Variants in MFN2 observed in about 807,000 individuals in gnomAD.
The protein encoded by MFN2 is mitofusin-2.
A neutral mutation model predicts 87.5 loss-of-function variants in MFN2; 43 were observed. The observed-to-expected ratio is 0.49, with a 90% CI of 0.38 to 0.63. MFN2 has a LOEUF of 0.63. Ranked by LOEUF, MFN2 falls within the 30% of genes least tolerant of loss-of-function variation. The pLI, the probability that MFN2 is intolerant of heterozygous loss-of-function variation, is 0.00. For missense variants in MFN2, 743 were observed against 972.8 expected, an observed-to-expected ratio of 0.76 and a Z score of 3.14; for synonymous variants, 337 against 359.9, an observed-to-expected ratio of 0.94 and a Z score of 0.72.
intron 2 of MFN2, among the ~76,000 whole-genome samples, chr1:11,987,939 A>G (rs919073958): frequency 6.6e-6 from 1 of 152,210 alleles, no homozygotes; most frequent in Non-Finnish European, 1.5e-5. Flanking sequence ...TAACAGCGAG[A>G]TCTTGTCTCA....
intron 5 of MFN2, among the ~76,000 whole-genome samples, chr1:11,997,066 C>T (rs11805619): frequency 4.7e-4 from 70 of 148,760 alleles, no homozygotes; most frequent in African/African-American, 1.6e-3. Flanking sequence ...AAGAATCAAT[C>T]AGTGCAGAAC....
At chr1:11,992,191 C>T in intron 3 of MFN2, 1 of 277,258 alleles carries the variant, frequency 3.6e-6, no homozygotes, top group Admixed American at 4.8e-5. Flanking sequence ...TACCAGCCGC[C>T]ATTCACAGCA....
At chr1:12,005,643 C>T in intron 14 of MFN2, 68 bp from the exon 15 acceptor site, 2 of 1,503,960 alleles carry the variant, frequency 1.3e-6, no homozygotes, top group Middle Eastern at 1.7e-4. Flanking sequence ...GCCCTGTCTC[C>T]AAGGCTTGGT....
chr1:12,001,029 C>CT (rs906122072), intron 8 of MFN2, among the ~76,000 whole-genome samples: 1 of 151,950 alleles, frequency 6.6e-6, no homozygotes, highest in African/African-American at 2.4e-5. Flanking sequence ...ATTGCCTATT[C>CT]TTTTTTTTCC....
At chr1:11,989,790 T>C (rs905269812) in intron 3 of MFN2, among the ~76,000 whole-genome samples, 37 of 152,126 alleles carry the variant, frequency 2.4e-4, no homozygotes, top group Middle Eastern at 3.2e-3. Flanking sequence ...GCCCTTTCTT[T>C]GATATTTTTA....
intron 8 of MFN2, 135 bp downstream of exon 8, chr1:11,999,230 T>C: frequency 1.3e-6 from 1 of 778,056 alleles, no homozygotes; most frequent in Non-Finnish European, 2.2e-6. Flanking sequence ...CTCCAAATAC[T>C]CTTCTGTGGT....
chr1:11,990,452 G>T (rs965667832), intron 3 of MFN2, among the ~76,000 whole-genome samples: 1 of 152,232 alleles, frequency 6.6e-6, no homozygotes, highest in African/African-American at 2.4e-5. Flanking sequence ...TGGGCATGCA[G>T]AGATGGGGTA....
intron 1 of MFN2, among the ~76,000 whole-genome samples, chr1:11,980,945 C>T (rs1053561121): frequency 2.6e-5 from 4 of 152,196 alleles, no homozygotes; most frequent in Non-Finnish European, 4.4e-5. Flanking sequence ...GTTTCTTATC[C>T]ATTTCTAACG....
chr1:11,984,849 C>T (rs1305271306), intron 2 of MFN2, among the ~76,000 whole-genome samples: 1 of 152,252 alleles, frequency 6.6e-6, no homozygotes, highest in Non-Finnish European at 1.5e-5. Flanking sequence ...CGCCTCTTCC[C>T]CCATACCTCG....
intron 6 of MFN2, among the ~76,000 whole-genome samples, chr1:11,997,919 T>G (rs1471469380): frequency 7.5e-6 from 1 of 132,690 alleles, no homozygotes; most frequent in Non-Finnish European, 1.6e-5. Flanking sequence ...AGTCTTGCTC[T>G]GTCACCCAGG....
chr1:12,009,561 C>T (rs761335785), intron 17 of MFN2, 31 bp from the exon 18 acceptor site: 22 of 1,613,954 alleles, frequency 1.4e-5, no homozygotes, highest in South Asian at 6.6e-5. Flanking sequence ...CTCCACACAC[C>T]CCAACTGGGT....
chr1:11,998,666 C>G (rs1421647016), intron 6 of MFN2, 104 bp from the exon 7 acceptor site: 1 of 1,026,620 alleles, frequency 9.7e-7, no homozygotes, highest in Non-Finnish European at 1.5e-6. Flanking sequence ...CCCTGGCTTT[C>G]TCCTCCATGA....
At chr1:11,994,847 A>G (rs918523704) in intron 4 of MFN2, among the ~76,000 whole-genome samples, 1 of 152,166 alleles carries the variant, frequency 6.6e-6, no homozygotes, top group Non-Finnish European at 1.5e-5. Flanking sequence ...CTCTAGTGAT[A>G]TGGCTGAGAA....
intron 3 of MFN2, 114 bp downstream of exon 3, chr1:11,989,457 C>A: frequency 8.4e-7 from 1 of 1,197,116 alleles, no homozygotes; most frequent in Non-Finnish European, 1.2e-6. Context: ...AACCAGATAG[C>A]CTTAGAAATG....
At chr1:11,992,374 A>G in intron 3 of MFN2, 181 bp from the exon 4 acceptor site, 1 of 737,618 alleles carries the variant, frequency 1.4e-6, no homozygotes, top group Non-Finnish European at 2.4e-6. Context: ...CTCCTGAGCC[A>G]TCTTCTTAAC....
chr1:12,007,182 C>T lies in MFN2; in HGVS notation c.2002C>T (p.His668Tyr), dbSNP rs778643113. ...ERAFKRQFVE[H>Y]ASEKLQLVIS... ...GGCCTTCAAGCGCCAGTTTGTGGAG[C>T]ATGCCAGCGAGAAGCTGCAGCTTGT... is the stretch of plus-strand genomic sequence containing the variant. The change falls in exon 17 of 19, where the codon CAT (histidine) becomes TAT (tyrosine). Residue 668 changes from histidine (H) to tyrosine (Y), a missense_variant. His to Tyr is a moderately conservative substitution (Grantham distance 83, BLOSUM62 2). Transcript: ENST00000235329. The T allele has an allele frequency of 1.2e-6, 2 of 1,614,074 alleles. No individual in the cohort carries two copies. The highest frequency in any genetic ancestry group is 2.7e-5 in the African/African-American group (2 of 74,944).
chr1:11,994,815 A>G (rs965594584), intron 4 of MFN2, among the ~76,000 whole-genome samples: 7 of 152,140 alleles, frequency 4.6e-5, no homozygotes, highest in African/African-American at 1.4e-4. Context: ...CACTGGGTGC[A>G]GGTAAGGTCA....
rs200715905 is a variant in MFN2, at chr1:11,998,778, T to C, written c.608T>C (p.Ile203Thr). The C allele has an allele frequency of 2.5e-5, 41 of 1,614,026 alleles. No homozygotes were observed. Among genetic ancestry groups the C allele is most frequent in the Non-Finnish European group, 3.3e-5 (39 of 1,180,014 alleles). ...DDLVLMDSPG[I>T]DVTTELDSWI... ...ACCCCTGTCACCTTTAGCCCTGGTA[T>C]TGATGTCACCACAGAGCTGGACAGC... The change falls in exon 7 of 19, where the codon ATT (isoleucine) becomes ACT (threonine). Residue 203 changes from isoleucine to threonine, a missense_variant. Coordinates refer to ENST00000235329, the MANE Select transcript of MFN2 (RefSeq NM_014874.4).
chr1:11,991,737 A>G (rs1042552935), intron 3 of MFN2, among the ~76,000 whole-genome samples: 3 of 151,788 alleles, frequency 2.0e-5, no homozygotes, highest in Non-Finnish European at 4.4e-5. Context: ...ATCCCGGCTA[A>G]AACGGTGAAA....
Sources: allele counts gnomAD v4.1 joint callset (sites outside exome capture counted in the v4.1 genomes callset), GRCh38; gene constraint gnomAD v4.1.1; transcripts MANE v1.5; gene names NCBI Gene and HGNC (gene_info 2026-07-23, HGNC 2026-07-21).